Variants in CEP95 observed in about 807,000 individuals in gnomAD.
CEP95 encodes the protein centrosomal protein 95, also known as centrosomal protein of 95 kDa.
CEP95 carries 98 observed loss-of-function variants against 111.2 expected under a neutral mutation model. That is an observed-to-expected ratio of 0.88 (90% CI 0.75 to 1.04). The LOEUF (loss-of-function observed/expected upper bound fraction) is 1.04, where lower values mean the gene tolerates loss of function less well. Among genes scored for constraint, CEP95 ranks in the 50% least tolerant of loss-of-function variants. The pLI is 0.00. For synonymous variants in CEP95, 323 were observed against 327.1 expected, an observed-to-expected ratio of 0.99 and a Z score of 0.14; for missense variants, 1,027 against 977.2, an observed-to-expected ratio of 1.05 and a Z score of -0.68.
intron 11 of CEP95, among the ~76,000 whole-genome samples, chr17:64,527,576 T>A (rs1034945034): frequency 1.3e-5 from 2 of 152,186 alleles, no homozygotes; most frequent in South Asian, 2.1e-4. Flanking sequence ...ATCCTTGTTT[T>A]TATACTTTAA....
At chr17:64,522,242 C>T (rs1464456956) in intron 7 of CEP95, among the ~76,000 whole-genome samples, 9 of 152,114 alleles carry the variant, frequency 5.9e-5, no homozygotes, top group African/African-American at 9.7e-5. Flanking sequence ...GGTTTTGTAA[C>T]GTGGACGAAC....
chr17:64,529,211 G>A (rs1968085348), intron 11 of CEP95, 77 bp from the exon 12 acceptor site: 2 of 1,414,968 alleles, frequency 1.4e-6, no homozygotes, highest in East Asian at 4.8e-5. Flanking sequence ...TTTGGATTTA[G>A]TGAAAACCAA....
chr17:64,527,874 A>G lies in CEP95; in HGVS notation c.1306+610A>G, dbSNP rs1025735936. On this transcript the variant is annotated intron_variant, in intron 11 of 19. Transcript: ENST00000556440. Reference sequence around the variant, plus strand: ...TTAATGTGTGTGTGTGTGTGTGTATATATATATATATATATATACACACAC... The same window carrying G: ...TTAATGTGTGTGTGTGTGTGTGTATGTATATATATATATATATACACACAC... Among the ~76,000 whole-genome samples, 69 of 132,428 alleles carry G rather than the reference A, an allele frequency of 5.2e-4. 1 individual carries two copies. In the South Asian group the frequency reaches 7.6e-3, roughly 14 times the overall value. The allele number at this position is 132,428 out of a possible 152,430, so 86.9% of individuals were successfully genotyped here. A position where few individuals can be genotyped will look rare whatever the true frequency, so the allele number is the denominator to read the frequency against.
At position 64,537,873 on chromosome 17, in the gene CEP95, A is replaced by T; in HGVS notation, c.*94A>T. ...GTAAACAGTCTAAGCCAGAAAAATA[A>T]TTTTCAAATGCTTTACCTGTATTTT... On this transcript the variant is annotated 3_prime_UTR_variant, in exon 20 of 20. Transcript: ENST00000556440. 1 of 609,136 alleles carries T rather than the reference A, an allele frequency of 1.6e-6. No homozygotes were observed. Among genetic ancestry groups the T allele is most frequent in the Non-Finnish European group, 2.5e-6 (1 of 404,418 alleles). 37.7% of individuals were successfully genotyped at this position (609,136 alleles called of 1,614,324 possible).
chr17:64,507,705 C>T (rs1296636682), intron 1 of CEP95: 8 of 985,780 alleles, frequency 8.1e-6, no homozygotes, highest in Non-Finnish European at 9.6e-6. Context: ...CATGGTTTGG[C>T]CAGCTGTGAG....
At chr17:64,527,373 TAA>T in intron 11 of CEP95, 109 bp downstream of exon 11, 1 of 826,670 alleles carries the variant, frequency 1.2e-6, no homozygotes. Context: ...GAGAAATATA[TAA>T]AAGGATCAAA....
chr17:64,531,555 A>G (rs994853484), intron 13 of CEP95, among the ~76,000 whole-genome samples: 1 of 152,178 alleles, frequency 6.6e-6, no homozygotes, highest in South Asian at 2.1e-4. Flanking sequence ...TTAAATCTAC[A>G]TGGAAAAAGA....
At chr17:64,510,019 C>T (rs1229862972) in intron 2 of CEP95, among the ~76,000 whole-genome samples, 154 bp from the exon 3 acceptor site, 1 of 152,038 alleles carries the variant, frequency 6.6e-6, no homozygotes, top group Non-Finnish European at 1.5e-5. Flanking sequence ...GTGTAGAGTT[C>T]AGGGTTTATT....
intron 4 of CEP95, among the ~76,000 whole-genome samples, chr17:64,515,204 C>G (rs1251137833): frequency 6.6e-6 from 1 of 152,142 alleles, no homozygotes; most frequent in Non-Finnish European, 1.5e-5. Context: ...GGATTCCAAG[C>G]TGCTTGTCAT....
intron 19 of CEP95, 198 bp downstream of exon 19, chr17:64,537,310 C>T: frequency 7.1e-7 from 1 of 1,401,140 alleles, no homozygotes; most frequent in Non-Finnish European, 9.4e-7. Flanking sequence ...TTTCTTGGAA[C>T]ATATCTCCAT....
At chr17:64,535,876 G>C (rs1181778217) in intron 17 of CEP95, 3 of 152,096 alleles carry the variant, frequency 2.0e-5, no homozygotes, top group Non-Finnish European at 4.4e-5. Flanking sequence ...ATGTTACTTG[G>C]CAATAAAAAG....
At chr17:64,507,193 C>G in intron 1 of CEP95, 77 bp downstream of exon 1, 2 of 1,548,932 alleles carry the variant, frequency 1.3e-6, no homozygotes, top group South Asian at 1.2e-5. Context: ...CTAGCCCGGA[C>G]TGGGTCTGGG....
At chr17:64,537,404 CTAA>C in intron 19 of CEP95, 196 bp from the exon 20 acceptor site, 1 of 1,376,518 alleles carries the variant, frequency 7.3e-7, no homozygotes, top group Non-Finnish European at 9.4e-7. Flanking sequence ...GGAGAGAAGA[CTAA>C]TAAGGCAATC....
At chr17:64,507,551 C>T (rs1367777133) in intron 1 of CEP95, 2 of 1,058,842 alleles carry the variant, frequency 1.9e-6, no homozygotes, top group East Asian at 8.5e-5. Flanking sequence ...GTAGAATATG[C>T]CCCTGTAGAA....
rs556721353 is a variant in CEP95 at position 64,519,919 on chromosome 17, T to C, written c.589+483T>C. 5.9e-5 allele frequency among the ~76,000 whole-genome samples: 9 copies of C among 152,308 alleles called. 1 individual carries two copies. The highest frequency in any genetic ancestry group is 2.2e-4 in the African/African-American group (9 of 41,562). On this transcript the variant is annotated intron_variant, in intron 6 of 19. Coordinates refer to ENST00000556440, the MANE Select transcript of CEP95 (RefSeq NM_138363.3). ...CAATTTTGAGCCTCCAACCTTGCCC[T>C]CCTCCAATCATCCTACTCCATCCTG...
At chr17:64,520,864 A>G (rs1407837533) in intron 6 of CEP95, among the ~76,000 whole-genome samples, 2 of 152,362 alleles carry the variant, frequency 1.3e-5, no homozygotes, top group South Asian at 2.1e-4. Flanking sequence ...TAAATAATGA[A>G]ACATTGTATG....
At chr17:64,524,250 T>C (rs893452102) in intron 8 of CEP95, among the ~76,000 whole-genome samples, 10 of 152,210 alleles carry the variant, frequency 6.6e-5, no homozygotes, top group Non-Finnish European at 1.2e-4. Flanking sequence ...AGAAATACTT[T>C]ATTTTAAAAG....
chr17:64,515,382 G>A (rs1265403469), intron 4 of CEP95, among the ~76,000 whole-genome samples: 2 of 152,198 alleles, frequency 1.3e-5, no homozygotes, highest in African/African-American at 4.8e-5. Context: ...AGTCTTTTTA[G>A]TAACAGGGTT....
rs376949691 is a variant in CEP95, at chr17:64,534,660, C to T, written c.1993C>T (p.Arg665Cys). Residue 665 changes from arginine to cysteine, a missense_variant, in exon 17 of 20, where the codon CGT (arginine) becomes TGT (cysteine). Physicochemically the swap from Arg to Cys is radical, Grantham distance 180. Coordinates refer to ENST00000556440, the MANE Select transcript of CEP95 (RefSeq NM_138363.3). Reference sequence around the variant, plus strand: ...AAAAGAAAATCGACAGCAAATCGTTCGTGCTCGAAAATATTATGATGATTA... The same window carrying T: ...AAAAGAAAATCGACAGCAAATCGTTTGTGCTCGAAAATATTATGATGATTA... ...KIKENRQQIV[R>C]ARKYYDDYRV... The T allele has an allele frequency of 5.3e-5, 85 of 1,613,456 alleles. No individual in the cohort carries two copies. The highest frequency in any genetic ancestry group is 1.3e-4 in the Admixed American group (8 of 59,970).
Sources: allele counts gnomAD v4.1 joint callset (sites outside exome capture counted in the v4.1 genomes callset), GRCh38; gene constraint gnomAD v4.1.1; transcripts MANE v1.5; gene names NCBI Gene and HGNC (gene_info 2026-07-23, HGNC 2026-07-21).